RBFOX1: variants seen among roughly 807,000 people sequenced by gnomAD.
RBFOX1 encodes RNA binding protein fox-1 homolog 1.
A neutral mutation model predicts 57.7 loss-of-function variants in RBFOX1; 8 were observed. The ratio of observed to expected loss-of-function variants is 0.14; its 90% CI spans 0.08 to 0.25. The LOEUF (loss-of-function observed/expected upper bound fraction) is 0.25. Ranked by LOEUF, RBFOX1 falls within the 10% of genes least tolerant of loss-of-function variation. The pLI, the probability that RBFOX1 is intolerant of heterozygous loss-of-function variation, is 1.00. For missense variants in RBFOX1, 611 were observed against 548.5 expected, an observed-to-expected ratio of 1.11 and a Z score of -1.14; for synonymous variants, 326 against 222.4, an observed-to-expected ratio of 1.47 and a Z score of -4.15.
At chr16:5,317,884 A>T (rs1055852721) in intron 1 of RBFOX1, among the ~76,000 whole-genome samples, 1 of 152,146 alleles carries the variant, frequency 6.6e-6, no homozygotes, top group Non-Finnish European at 1.5e-5. Context: ...CAAAATTTTT[A>T]TCATCTTCCT....
chr16:5,756,237 A>C (rs990363349), intron 3 of RBFOX1, among the ~76,000 whole-genome samples: 2 of 150,940 alleles, frequency 1.3e-5, no homozygotes, highest in African/African-American at 4.9e-5. Flanking sequence ...AAAAAAAAAA[A>C]AAAAAAAAAA....
intron 2 of RBFOX1, among the ~76,000 whole-genome samples, chr16:6,355,861 A>G (rs1234243981): frequency 6.6e-6 from 1 of 152,186 alleles, no homozygotes; most frequent in Admixed American, 6.5e-5. Flanking sequence ...AAGTTGGTAT[A>G]TACAAAATGA....
At chr16:7,441,150 GGTTCTCCTGCTCACCATTGGCCCA>G (rs2098763131) in intron 4 of RBFOX1, among the ~76,000 whole-genome samples, 1 of 152,244 alleles carries the variant, frequency 6.6e-6, no homozygotes, top group East Asian at 1.9e-4. Context: ...CTCACACCAG[GGTTCTCCTGCTCACCATTGGCCCA>G]GGAAACTCAG....
intron 3 of RBFOX1, among the ~76,000 whole-genome samples, chr16:6,930,309 A>C (rs933155663): frequency 2.0e-5 from 3 of 152,168 alleles, no homozygotes; most frequent in Non-Finnish European, 4.4e-5. Flanking sequence ...CAAATGGCCA[A>C]TATGCACATA....
intron 3 of RBFOX1, among the ~76,000 whole-genome samples, chr16:6,990,809 C>A (rs1596306556): frequency 6.6e-6 from 1 of 152,104 alleles, no homozygotes; most frequent in South Asian, 2.1e-4. Flanking sequence ...GTCCAGGAAG[C>A]TGATACATAT....
chr16:7,320,807 T>G (rs1486621050), intron 4 of RBFOX1, among the ~76,000 whole-genome samples: 2 of 152,252 alleles, frequency 1.3e-5, no homozygotes, highest in Admixed American at 1.3e-4. Flanking sequence ...GTGGTTATAT[T>G]ACTTAGAGCA....
At chr16:5,633,380 A>G (rs1393979739) in intron 3 of RBFOX1, among the ~76,000 whole-genome samples, 1 of 152,180 alleles carries the variant, frequency 6.6e-6, no homozygotes, top group African/African-American at 2.4e-5. Flanking sequence ...TTAGGGTTAC[A>G]GGTGGTTTTT....
intron 4 of RBFOX1, among the ~76,000 whole-genome samples, chr16:7,225,267 C>G (rs1038063987): frequency 1.3e-5 from 2 of 152,094 alleles, no homozygotes; most frequent in South Asian, 4.1e-4. Context: ...TGAATTGTAG[C>G]TCCCATAATT....
intron 2 of RBFOX1, among the ~76,000 whole-genome samples, chr16:6,422,560 C>T (rs1457497130): frequency 6.6e-6 from 1 of 152,116 alleles, no homozygotes; most frequent in East Asian, 1.9e-4. Flanking sequence ...GTACAGGAAG[C>T]ATAATGGATT....
chr16:6,790,359 A>C (rs1042137681), intron 3 of RBFOX1, among the ~76,000 whole-genome samples: 1 of 151,622 alleles, frequency 6.6e-6, no homozygotes, highest in Non-Finnish European at 1.5e-5. Context: ...TAATTTTTGT[A>C]TTTTTAGTAG....
rs1010308809 is a variant in RBFOX1, at chr16:5,551,018, T to C, written c.259-47884T>C. On this transcript the variant is annotated intron_variant, in intron 2 of 2. Transcript: ENST00000585867. ...GCCCATAACTCTCTGTAATAAAGCA[T>C]ATCAAACGCTCAGGGAACTGTGGGG... Among the ~76,000 whole-genome samples, 73 of 152,140 alleles carry C rather than the reference T, an allele frequency of 4.8e-4. 1 individual carries two copies. The highest frequency in any genetic ancestry group is 1.5e-4 in the Non-Finnish European group (10 of 68,030).
intron 3 of RBFOX1, among the ~76,000 whole-genome samples, chr16:6,859,129 A>ATATATG (rs1567592071): frequency 5.3e-5 from 4 of 75,674 alleles, no homozygotes; most frequent in Admixed American, 2.8e-4. Flanking sequence ...ATATATATAT[A>ATATATG]CATATATATA....
intron 2 of RBFOX1, among the ~76,000 whole-genome samples, chr16:6,352,957 G>A (rs2086665910): frequency 6.6e-6 from 1 of 152,142 alleles, no homozygotes; most frequent in Non-Finnish European, 1.5e-5. Flanking sequence ...TTGCTTTGGG[G>A]CATGAGAAAC....
intron 1 of RBFOX1, among the ~76,000 whole-genome samples, chr16:5,312,655 C>A (rs2064123922): frequency 1.3e-5 from 2 of 152,256 alleles, no homozygotes; most frequent in Middle Eastern, 3.4e-3. Flanking sequence ...CCATTAGGCT[C>A]ATCTAGGAGT....
intron 3 of RBFOX1, among the ~76,000 whole-genome samples, chr16:5,809,218 C>G (rs191449662): frequency 9.7e-4 from 147 of 152,248 alleles, no homozygotes; most frequent in African/African-American, 3.4e-3. Context: ...ACCATAAAAA[C>G]CCTAGAAGAA....
chr16:7,299,486 G>C (rs146130656), intron 4 of RBFOX1, among the ~76,000 whole-genome samples: 3 of 152,148 alleles, frequency 2.0e-5, no homozygotes, highest in Non-Finnish European at 2.9e-5. Context: ...CTCTAATCTC[G>C]ATCCTGTCAT....
intron 2 of RBFOX1, among the ~76,000 whole-genome samples, chr16:6,608,031 T>G (rs2097970156): frequency 6.6e-6 from 1 of 152,184 alleles, no homozygotes; most frequent in Non-Finnish European, 1.5e-5. Flanking sequence ...ATATTTTATC[T>G]TCTACATCAA....
chr16:6,203,014 G>C (rs547703202), intron 1 of RBFOX1, among the ~76,000 whole-genome samples: 2 of 151,930 alleles, frequency 1.3e-5, no homozygotes, highest in Non-Finnish European at 2.9e-5. Flanking sequence ...GGGTTCAAGT[G>C]ATCCTCCTGC....
intron 3 of RBFOX1, among the ~76,000 whole-genome samples, chr16:5,788,230 A>C (rs2151723845): frequency 6.6e-6 from 1 of 152,316 alleles, no homozygotes; most frequent in South Asian, 2.1e-4. Flanking sequence ...GATGGAGAGA[A>C]GAAATGACAG....
Sources: gnomAD v4.1 joint callset for allele counts (sites outside exome capture counted in the v4.1 genomes callset) on GRCh38, gnomAD v4.1.1 for gene constraint, MANE v1.5 for transcripts, NCBI Gene and HGNC (gene_info 2026-07-23, HGNC 2026-07-21) for gene names.